Variants in CELF5 observed in about 807,000 individuals in gnomAD.
CELF5 encodes CUGBP Elav-like family member 5, also known as CUG-BP and ETR-3 like factor 5.
CELF5 carries 6 observed loss-of-function variants against 54.9 expected under a neutral mutation model. The ratio of observed to expected loss-of-function variants is 0.11; its 90% CI spans 0.06 to 0.22. CELF5 has a LOEUF of 0.22. Among genes scored for constraint, CELF5 ranks in the 10% least tolerant of loss-of-function variants. The pLI is 1.00. For missense variants in CELF5, 401 were observed against 678.6 expected (o/e 0.59, Z 4.54); for synonymous variants, 271 against 290.9 (o/e 0.93, Z 0.70).
chr19:3,289,138 G>A (rs185213358), intron 10 of CELF5, among the ~76,000 whole-genome samples: 2 of 152,286 alleles, frequency 1.3e-5, no homozygotes, highest in Admixed American at 1.3e-4. Flanking sequence ...ATCTGGGACT[G>A]GGGACCAGAG....
At chr19:3,235,492 A>G (rs4807427) in intron 1 of CELF5, among the ~76,000 whole-genome samples, 3,918 of 13,780 alleles carry the variant, frequency 0.28, 576 homozygotes, top group East Asian at 0.66. Flanking sequence ...ACGCGAGGAT[A>G]GATGGGTGGG....
At chr19:3,265,417 C>T (rs796633506) in intron 2 of CELF5, among the ~76,000 whole-genome samples, 1 of 152,176 alleles carries the variant, frequency 6.6e-6, no homozygotes, top group South Asian at 2.1e-4. Flanking sequence ...GGAGGTCCTG[C>T]TCTCTGCAGA....
intron 2 of CELF5, among the ~76,000 whole-genome samples, chr19:3,253,619 G>A (rs1268322716): frequency 1.3e-5 from 2 of 152,166 alleles, no homozygotes; most frequent in African/African-American, 4.8e-5. Flanking sequence ...AAGCCCAGGG[G>A]TGCAGAGCAG....
At position 3,278,157 on chromosome 19, in the gene CELF5, G is replaced by T. The variant is rs752994150; in HGVS notation, c.603+47G>T. 118 of 1,196,000 alleles carry T rather than the reference G, an allele frequency of 9.9e-5. No homozygotes were observed. The Admixed American group carries it at 2.0e-3, about 21-fold the overall frequency. The allele number at this position is 1,196,000 out of a possible 1,614,324, so 74.1% of individuals were successfully genotyped here. Reference sequence around the variant, plus strand: ...CCGTGGGGGTGGGGGTGGGAAAGGGGTGAGGGGGACAGGGATGAAACAGGC... The same window carrying T: ...CCGTGGGGGTGGGGGTGGGAAAGGGTTGAGGGGGACAGGGATGAAACAGGC... On this transcript the variant is annotated intron_variant, in intron 5 of 12. Coordinates refer to ENST00000292672, the MANE Select transcript of CELF5 (RefSeq NM_021938.4). The surrounding 1 kb of genome is among the most constrained non-coding windows in gnomAD (Gnocchi z 4.5).
chr19:3,248,085 A>G (rs994992958), intron 1 of CELF5, among the ~76,000 whole-genome samples: 1 of 152,144 alleles, frequency 6.6e-6, no homozygotes, highest in Non-Finnish European at 1.5e-5. Context: ...ATTTTTAAGC[A>G]TAGAGTTCAG....
At chr19:3,260,071 TA>T (rs1486146054) in intron 2 of CELF5, among the ~76,000 whole-genome samples, 1 of 152,192 alleles carries the variant, frequency 6.6e-6, no homozygotes, top group African/African-American at 2.4e-5. Context: ...GAACCCAATA[TA>T]TCCCAATTCT....
At chr19:3,252,238 A>G (rs898327641) in intron 2 of CELF5, among the ~76,000 whole-genome samples, 1 of 150,362 alleles carries the variant, frequency 6.7e-6, no homozygotes, top group Non-Finnish European at 1.5e-5. Flanking sequence ...GTCTCATTAT[A>G]TTGCCCGGGC....
At chr19:3,276,846 A>T (rs1281329911) in intron 4 of CELF5, among the ~76,000 whole-genome samples, 1 of 28,582 alleles carries the variant, frequency 3.5e-5, no homozygotes, top group African/African-American at 1.6e-4. Context: ...GTGAGTAGGG[A>T]TGCAGGGGCG....
intron 1 of CELF5, among the ~76,000 whole-genome samples, chr19:3,249,302 G>A (rs2145054990): frequency 6.6e-6 from 1 of 152,254 alleles, no homozygotes. Flanking sequence ...CTGACCTCCT[G>A]TGTGCAATCC....
intron 1 of CELF5, among the ~76,000 whole-genome samples, chr19:3,227,624 G>C (rs919800958): frequency 6.6e-6 from 1 of 152,080 alleles, no homozygotes; most frequent in Non-Finnish European, 1.5e-5. Flanking sequence ...GGGTCAGCTG[G>C]TACCACCTCT....
chr19:3,270,332 G>C (rs1244933131), intron 2 of CELF5, among the ~76,000 whole-genome samples: 4 of 152,144 alleles, frequency 2.6e-5, no homozygotes, highest in Non-Finnish European at 2.9e-5. Context: ...CGCAGCCATG[G>C]GGAGCCAGAG....
chr19:3,277,021 GTGTC>G (rs923938401), intron 4 of CELF5, among the ~76,000 whole-genome samples: 11 of 152,298 alleles, frequency 7.2e-5, no homozygotes, highest in East Asian at 1.9e-4. Flanking sequence ...GTCTCTGGTT[GTGTC>G]TGTCTGTCTA....
chr19:3,254,731 G>T lies in CELF5; in HGVS notation c.342+3664G>T, dbSNP rs535449884. Among the ~76,000 whole-genome samples, 22 of 143,938 alleles carry T rather than the reference G, an allele frequency of 1.5e-4. No individual in the cohort carries two copies. In the South Asian group the frequency reaches 4.0e-3, roughly 26 times the overall value. The allele number at this position is 143,938 out of a possible 152,430, so 94.4% of individuals were successfully genotyped here. On this transcript the variant is annotated intron_variant, in intron 2 of 12. Transcript: ENST00000292672. ...TCCATCCATCTACCATTCATCCATT[G>T]AGTCACTCACTCATCTATCCACCCA...
intron 2 of CELF5, among the ~76,000 whole-genome samples, chr19:3,260,387 C>T (rs1170809205): frequency 1.3e-5 from 2 of 152,320 alleles, no homozygotes; most frequent in East Asian, 1.9e-4. Context: ...CCCCCTGCCT[C>T]AGCCTCCCAA....
chr19:3,263,246 C>CAA lies in CELF5; in HGVS notation c.343-10607_343-10606dup, dbSNP rs541811875. ...TGGGCAACAGAGCGAGATTCTGTCT[C>CAA]AAAAAAAAAAAAAAAAAAAAGGGAG... On this transcript the variant is annotated intron_variant, in intron 2 of 12. Transcript: ENST00000292672. Among the ~76,000 whole-genome samples the CAA allele has an allele frequency of 2.4e-3, 106 of 45,006 alleles. 1 individual carries two copies. The highest frequency in any genetic ancestry group is 7.6e-3 in the African/African-American group (92 of 12,140). The allele number at this position is 45,006 out of a possible 152,430, so 29.5% of individuals were successfully genotyped here. A position where few individuals can be genotyped will look rare whatever the true frequency, so the allele number is the denominator to read the frequency against.
At position 3,261,537 on chromosome 19, in the gene CELF5, A is replaced by G. The variant is rs530304376; in HGVS notation, c.342+10470A>G. 5.9e-5 allele frequency among the ~76,000 whole-genome samples: 9 copies of G among 152,228 alleles called. No individual in the cohort carries two copies. In the South Asian group the frequency reaches 6.2e-4, roughly 11 times the overall value. On this transcript the variant is annotated intron_variant, in intron 2 of 12. Coordinates refer to ENST00000292672, the MANE Select transcript of CELF5 (RefSeq NM_021938.4). ...AAATAGCTCATTAATAATTTTCAAG[A>G]CCAGGCCTGGTGGTTCTCACACCTG...
In CELF5 at chr19:3,278,550, A is replaced by G. The variant is rs1347222587; in HGVS notation, c.603+440A>G. Reference sequence around the variant, plus strand: ...TGCCATTGTGTGCTAGTGTAGAGATACTAGTGCGTGTGCGTGTATGAGAGT... The same window carrying G: ...TGCCATTGTGTGCTAGTGTAGAGATGCTAGTGCGTGTGCGTGTATGAGAGT... On this transcript the variant is annotated intron_variant, in intron 5 of 12. Coordinates refer to ENST00000292672, the MANE Select transcript of CELF5 (RefSeq NM_021938.4). This position sits in a 1 kb window ranked among gnomAD's most constrained non-coding sequence, Gnocchi z 4.5. Among the ~76,000 whole-genome samples, 2 of 151,540 alleles carry G rather than the reference A, an allele frequency of 1.3e-5. No individual in the cohort carries two copies. The highest frequency in any genetic ancestry group is 2.9e-5 in the Non-Finnish European group (2 of 67,880).
At position 3,282,353 on chromosome 19, in the gene CELF5, G is replaced by T. The variant is rs773049068; in HGVS notation, c.894G>T (p.Gly298=). 6.2e-7 allele frequency: 1 copy of T among 1,609,122 alleles called. No homozygotes were observed. The highest frequency in any genetic ancestry group is 1.7e-5 in the Admixed American group (1 of 60,016). The change falls in exon 8 of 13, where the codon GGG becomes GGT. Residue 298 remains glycine (G), a splice_region_variant and synonymous_variant. Coordinates refer to ENST00000292672, the MANE Select transcript of CELF5 (RefSeq NM_021938.4). This position sits in a 1 kb window ranked among gnomAD's most constrained non-coding sequence, Gnocchi z 5.2. ...LPATPIAPAS[G]LHSPPLLGTT... is the part of the protein sequence containing the mutation. ...CCATGACCCTCTTCCGCTCTGCAGG[G>T]CTGCACTCACCCCCGCTGCTGGGCA...
At chr19:3,256,719 C>T (rs1041842728) in intron 2 of CELF5, among the ~76,000 whole-genome samples, 2 of 151,646 alleles carry the variant, frequency 1.3e-5, no homozygotes, top group African/African-American at 4.8e-5. Flanking sequence ...AGGCATGTGC[C>T]ACCGTGCCAT....
Sources: gnomAD v4.1 joint callset for allele counts (sites outside exome capture counted in the v4.1 genomes callset) on GRCh38, gnomAD v4.1.1 for gene constraint, Gnocchi (gnomAD v3.1) non-coding constraint, MANE v1.5 for transcripts, NCBI Gene and HGNC (gene_info 2026-07-23, HGNC 2026-07-21) for gene names.